The following CDH12 variants were observed in gnomAD, a reference collection of about 807,000 sequenced individuals.
The protein encoded by CDH12 is cadherin-12.
In CDH12, 41 loss-of-function variants were observed where a neutral mutation model predicts 74.1. The observed-to-expected ratio is 0.55, with a 90% CI of 0.43 to 0.72. The LOEUF (loss-of-function observed/expected upper bound fraction) is 0.72. Ranked by LOEUF, CDH12 falls within the 30% of genes least tolerant of loss-of-function variation. The pLI, the probability that CDH12 is intolerant of heterozygous loss-of-function variation, is 0.00. For missense variants in CDH12, 945 were observed against 977.2 expected, an observed-to-expected ratio of 0.97 and a Z score of 0.44; for synonymous variants, 399 against 355.0, an observed-to-expected ratio of 1.12 and a Z score of -1.39.
At chr5:21,897,585 T>C (rs559803751) in intron 6 of CDH12, among the ~76,000 whole-genome samples, 2 of 152,320 alleles carry the variant, frequency 1.3e-5, no homozygotes, top group African/African-American at 4.8e-5. Flanking sequence ...AAATTTTGAT[T>C]GTATTGAAGC....
chr5:22,852,166 T>C (rs986350207), intron 1 of CDH12, among the ~76,000 whole-genome samples: 1 of 152,134 alleles, frequency 6.6e-6, no homozygotes, highest in Non-Finnish European at 1.5e-5. Flanking sequence ...AATCATGAAA[T>C]GGTCGCAGAA....
At chr5:22,565,262 T>C (rs1739234261) in intron 1 of CDH12, among the ~76,000 whole-genome samples, 1 of 152,168 alleles carries the variant, frequency 6.6e-6, no homozygotes, top group South Asian at 2.1e-4. Context: ...AGTATATACC[T>C]AGCAGTAGGA....
In CDH12 at chr5:21,751,853, G is replaced by A. The variant is rs757259635; in HGVS notation, c.2269C>T (p.Leu757Phe). Residue 757 changes from leucine (L) to phenylalanine (F), a missense_variant, in exon 15 of 15, where the codon CTC (leucine) becomes TTC (phenylalanine). This residue lies in a region of CDH12 where 791 missense variants were observed against 792.8 expected (regional missense o/e 1.00). Transcript: ENST00000382254. ...TAGTCCTGGTCGGCTTCTGTGGTGA[G>A]AGAGTCTATAGAGCTGAGGGACTCT... ...VAESLSSIDS[L>F]TTEADQDYDY... The A allele has an allele frequency of 2.0e-5, 33 of 1,613,938 alleles. No homozygotes were observed. Among genetic ancestry groups the A allele is most frequent in the Non-Finnish European group, 2.7e-5 (32 of 1,180,022 alleles).
chr5:21,818,828 C>G (rs1430657608), intron 8 of CDH12, among the ~76,000 whole-genome samples: 1 of 151,848 alleles, frequency 6.6e-6, no homozygotes, highest in African/African-American at 2.4e-5. Flanking sequence ...ATAGACCTAA[C>G]AACAACAACA....
intron 1 of CDH12, among the ~76,000 whole-genome samples, chr5:22,600,553 T>C (rs1736808265): frequency 1.3e-5 from 2 of 152,228 alleles, no homozygotes; most frequent in South Asian, 2.1e-4. Flanking sequence ...TAGTGTTGCA[T>C]AGAGTTGTTA....
intron 3 of CDH12, among the ~76,000 whole-genome samples, chr5:22,311,752 T>G (rs1186486169): frequency 6.6e-6 from 1 of 150,706 alleles, no homozygotes; most frequent in African/African-American, 2.4e-5. Flanking sequence ...TACATGGTTG[T>G]GGTGTGGTGG....
intron 6 of CDH12, among the ~76,000 whole-genome samples, chr5:21,933,275 T>C (rs756235527): frequency 2.0e-5 from 3 of 152,182 alleles, no homozygotes; most frequent in Non-Finnish European, 4.4e-5. Flanking sequence ...ATCTCTTTTT[T>C]ATACGTTGAA....
chr5:22,278,032 T>C (rs936501957), intron 3 of CDH12: 2 of 152,156 alleles, frequency 1.3e-5, no homozygotes, highest in Admixed American at 1.3e-4. Flanking sequence ...CTGAACACCA[T>C]ATTCTGGAAA....
intron 1 of CDH12, among the ~76,000 whole-genome samples, chr5:22,607,560 G>GC (rs1469486659): frequency 6.6e-6 from 1 of 152,158 alleles, no homozygotes; most frequent in African/African-American, 2.4e-5. Context: ...GAAACGAATG[G>GC]CCCCCATGAT....
At chr5:22,612,260 A>T (rs922516189) in intron 1 of CDH12, among the ~76,000 whole-genome samples, 6 of 152,108 alleles carry the variant, frequency 3.9e-5, no homozygotes, top group African/African-American at 1.4e-4. Context: ...CATCATTTAC[A>T]CTTCTGTAAA....
At chr5:22,724,208 T>A (rs1256601992) in intron 1 of CDH12, among the ~76,000 whole-genome samples, 1 of 151,686 alleles carries the variant, frequency 6.6e-6, no homozygotes, top group African/African-American at 2.4e-5. Context: ...TCATTAAATT[T>A]TTTTAAAGAT....
intron 4 of CDH12, among the ~76,000 whole-genome samples, chr5:22,157,953 T>C (rs1408314422): frequency 6.6e-6 from 1 of 152,078 alleles, no homozygotes; most frequent in Non-Finnish European, 1.5e-5. Context: ...GATTCAAATG[T>C]AATAATTTTC....
chr5:22,503,354 T>C (rs1175433259), intron 2 of CDH12, among the ~76,000 whole-genome samples: 2 of 152,100 alleles, frequency 1.3e-5, no homozygotes, highest in Non-Finnish European at 2.9e-5. Context: ...TCCACAGCAT[T>C]ACTCTATTAA....
chr5:22,691,874 G>C (rs1336995736), intron 1 of CDH12, among the ~76,000 whole-genome samples: 1 of 152,092 alleles, frequency 6.6e-6, no homozygotes, highest in Non-Finnish European at 1.5e-5. Flanking sequence ...AAAAAAGAAG[G>C]ATAAATAGAA....
At chr5:22,558,951 T>C (rs1738922851) in intron 1 of CDH12, among the ~76,000 whole-genome samples, 1 of 152,050 alleles carries the variant, frequency 6.6e-6, no homozygotes, top group Admixed American at 6.6e-5. Flanking sequence ...TTTACTAATT[T>C]AAAAAAGCAA....
At position 22,681,228 on chromosome 5, in the gene CDH12, G is replaced by GTGTGTGTGT. The variant is rs869281805; in HGVS notation, c.-523+171829_-523+171830insACACACACA. The stretch of plus-strand genomic sequence containing the variant: ...ATCATTAAGCTCCTGGGTATTGGGG[G>GTGTGTGTGT]GTGTGTGTGTGTGTGTGTGTGTGTG... On this transcript the variant is annotated intron_variant, in intron 1 of 14. Coordinates refer to ENST00000382254, the MANE Select transcript of CDH12 (RefSeq NM_004061.5). 7.4e-3 allele frequency among the ~76,000 whole-genome samples: 781 copies of GTGTGTGTGT among 105,810 alleles called. 10 individuals carry two copies. The highest frequency in any genetic ancestry group is 0.023 in the African/African-American group (743 of 32,148). The allele number at this position is 105,810 out of a possible 152,430, so 69.4% of individuals were successfully genotyped here.
intron 1 of CDH12, among the ~76,000 whole-genome samples, chr5:22,656,336 T>C (rs1740033544): frequency 6.6e-6 from 1 of 152,198 alleles, no homozygotes; most frequent in Non-Finnish European, 1.5e-5. Flanking sequence ...TTCAAGCCAC[T>C]CACTTTAAAA....
intron 5 of CDH12, among the ~76,000 whole-genome samples, chr5:22,058,753 T>TGGAA (rs202139986): frequency 1.3e-4 from 12 of 91,372 alleles, no homozygotes; most frequent in Non-Finnish European, 2.2e-4. Context: ...GGAAGGAAAG[T>TGGAA]GGAAGGAAGG....
intron 2 of CDH12, among the ~76,000 whole-genome samples, chr5:22,423,206 T>TAAAAAAAAAAAAAAAAAACAAA (rs58915238): frequency 8.2e-6 from 1 of 121,440 alleles, no homozygotes; most frequent in Non-Finnish European, 1.7e-5. Flanking sequence ...GTAAACACAG[T>TAAAAAAAAAAAAAAAAAACAAA]AAAAAAAAAA....
Sources: allele counts gnomAD v4.1 joint callset (sites outside exome capture counted in the v4.1 genomes callset), GRCh38; gene constraint gnomAD v4.1.1; regional missense constraint gnomAD v4.1.1; transcripts MANE v1.5; gene names NCBI Gene and HGNC (gene_info 2026-07-23, HGNC 2026-07-21).